The following LRBA variants were observed in gnomAD, a reference collection of about 807,000 sequenced individuals.
LRBA encodes LPS responsive beige-like anchor protein.
A neutral mutation model predicts 330.0 loss-of-function variants in LRBA; 176 were observed. The ratio of observed to expected loss-of-function variants is 0.53; its 90% CI spans 0.47 to 0.60. The LOEUF (loss-of-function observed/expected upper bound fraction) is 0.60. LRBA is among the 20% of genes least tolerant of loss of function. LRBA has a pLI of 0.00. For missense variants in LRBA, 3,259 were observed against 3,444.8 expected (o/e 0.95, Z 1.35); for synonymous variants, 1,230 against 1,193.0 (o/e 1.03, Z -0.64).
chr4:150,293,804 G>GTCTA (rs1283997806), intron 53 of LRBA, among the ~76,000 whole-genome samples: 2 of 152,202 alleles, frequency 1.3e-5, no homozygotes, highest in Non-Finnish European at 1.5e-5. Flanking sequence ...AGCAAGACCA[G>GTCTA]CCCTCTGCTT....
At chr4:150,427,904 A>G (rs1161503023) in intron 46 of LRBA, among the ~76,000 whole-genome samples, 1 of 151,970 alleles carries the variant, frequency 6.6e-6, no homozygotes, top group Non-Finnish European at 1.5e-5. Context: ...ATGTATTAAC[A>G]TGGTAGAAGA....
At chr4:150,637,430 C>A (rs1778034827) in intron 37 of LRBA, among the ~76,000 whole-genome samples, 1 of 152,122 alleles carries the variant, frequency 6.6e-6, no homozygotes, top group African/African-American at 2.4e-5. Context: ...CCAACATAGC[C>A]CGTAAATGCT....
In LRBA at chr4:150,897,762, A is replaced by G. The variant is rs1730257416; in HGVS notation, c.1981T>C (p.Phe661Leu). The part of the protein sequence containing the change: ...MLSLRAFLLM[F>L]IKQLVMKDSG... ...ACCTTCATCACTAATTGCTTAATGA[A>G]CATCAACAAGAATGCTCGTAGAGAA... The change falls in exon 15 of 57, where the codon TTC becomes CTC. Residue 661 changes from phenylalanine to leucine, a missense_variant. Transcript: ENST00000651943. 6.2e-7 allele frequency: 1 copy of G among 1,612,440 alleles called. No individual in the cohort carries two copies. The highest frequency in any genetic ancestry group is 8.5e-7 in the Non-Finnish European group (1 of 1,178,840).
intron 34 of LRBA, among the ~76,000 whole-genome samples, chr4:150,776,866 A>AT (rs1165295855): frequency 6.6e-6 from 1 of 152,202 alleles, no homozygotes; most frequent in Admixed American, 6.5e-5. Flanking sequence ...TAGTAGATGA[A>AT]TAAAAAATAA....
intron 29 of LRBA, 60 bp from the exon 30 acceptor site, chr4:150,828,681 A>G: frequency 1.4e-6 from 2 of 1,424,766 alleles, no homozygotes; most frequent in East Asian, 2.3e-5. Flanking sequence ...TAATTTTTAA[A>G]AGGTATATTC....
At chr4:151,005,459 A>C (rs1386470924) in intron 2 of LRBA, among the ~76,000 whole-genome samples, 1 of 151,196 alleles carries the variant, frequency 6.6e-6, no homozygotes, top group South Asian at 2.1e-4. Context: ...AAAAAAAAAA[A>C]AAAAACCCTG....
At chr4:150,283,578 CCT>C (rs1747816236) in intron 54 of LRBA, among the ~76,000 whole-genome samples, 1 of 152,126 alleles carries the variant, frequency 6.6e-6, no homozygotes, top group African/African-American at 2.4e-5. Flanking sequence ...GAAAGCTTGC[CCT>C]TTTAAAAATA....
intron 18 of LRBA, 58 bp downstream of exon 18, chr4:150,872,605 G>T: frequency 1.7e-6 from 2 of 1,167,932 alleles, no homozygotes; most frequent in Non-Finnish European, 1.3e-6. Flanking sequence ...CTACTGCAAA[G>T]ATTTATAAAA....
At chr4:150,581,745 T>C (rs1054314422) in intron 40 of LRBA, 1 of 153,190 alleles carries the variant, frequency 6.5e-6, no homozygotes, top group African/African-American at 2.4e-5. Flanking sequence ...CTTCTCTCTT[T>C]ACCCTGTTTC....
chr4:150,715,390 T>C (rs1041565348), intron 36 of LRBA, among the ~76,000 whole-genome samples: 5 of 151,982 alleles, frequency 3.3e-5, no homozygotes, highest in Non-Finnish European at 7.4e-5. Context: ...CCATAAATAA[T>C]TAAGAATTAA....
Position 150,870,532 on chromosome 4 carries a change from T to G in LRBA, c.2442A>C (p.Gln814His). Residue 814 changes from glutamine (Q) to histidine (H), a missense_variant, in exon 20 of 57, where the codon CAA becomes CAC. Coordinates refer to ENST00000651943, the MANE Select transcript of LRBA (RefSeq NM_001364905.1). ...HPDPDSSVKI[Q>H]NPQILKVIAT... ...AGTATATAAAATACATACGAGGGTT[T>G]TGTATCTTCACTGAAGAATCAGGAT... 1 of 1,570,116 alleles carries G rather than the reference T, an allele frequency of 6.4e-7. No individual in the cohort carries two copies. The highest frequency in any genetic ancestry group is 1.3e-5 in the African/African-American group (1 of 74,186).
intron 31 of LRBA, among the ~76,000 whole-genome samples, chr4:150,813,457 TG>T (rs758511955): frequency 6.6e-6 from 1 of 152,148 alleles, no homozygotes; most frequent in Non-Finnish European, 1.5e-5. Context: ...ATTTGAAATT[TG>T]AAATTTGTAC....
intron 36 of LRBA, among the ~76,000 whole-genome samples, chr4:150,694,756 A>C (rs1417343514): frequency 6.6e-6 from 1 of 151,670 alleles, no homozygotes; most frequent in Non-Finnish European, 1.5e-5. Flanking sequence ...TATCTCTTCC[A>C]TTTCTTCTTG....
chr4:150,436,696 C>T (rs1432372192), intron 45 of LRBA, 28 bp downstream of exon 45: 7 of 1,583,692 alleles, frequency 4.4e-6, no homozygotes, highest in Admixed American at 3.5e-5. Context: ...TTTATTTAGC[C>T]ATGGTGTATT....
chr4:150,926,845 G>A (rs1733932436), intron 4 of LRBA, among the ~76,000 whole-genome samples: 1 of 152,030 alleles, frequency 6.6e-6, no homozygotes, highest in African/African-American at 2.4e-5. Flanking sequence ...GGCCAAGACG[G>A]GTGGATCACA....
At chr4:150,447,890 TA>T (rs1226735411) in intron 44 of LRBA, among the ~76,000 whole-genome samples, 3 of 152,188 alleles carry the variant, frequency 2.0e-5, no homozygotes, top group Non-Finnish European at 4.4e-5. Flanking sequence ...GCACCTTTTT[TA>T]AAACTTTCAA....
At chr4:150,282,371 T>G (rs542150271) in intron 55 of LRBA, 79 bp downstream of exon 55, 12 of 1,321,324 alleles carry the variant, frequency 9.1e-6, no homozygotes, top group Non-Finnish European at 9.6e-6. Flanking sequence ...AGAGGTTTCT[T>G]TCGCGAACCC....
At chr4:150,394,094 T>G (rs546216310) in intron 47 of LRBA, among the ~76,000 whole-genome samples, 57 of 152,226 alleles carry the variant, frequency 3.7e-4, no homozygotes, top group Non-Finnish European at 6.6e-4. Context: ...AATCTTCTTT[T>G]ACATAACAAT....
chr4:150,994,285 T>C (rs1439349349), intron 2 of LRBA, among the ~76,000 whole-genome samples: 2 of 152,126 alleles, frequency 1.3e-5, no homozygotes, highest in Non-Finnish European at 2.9e-5. Flanking sequence ...AGGTTCAACA[T>C]CTTTTGTGAC....
Sources: gnomAD v4.1 joint callset for allele counts (sites outside exome capture counted in the v4.1 genomes callset) on GRCh38, gnomAD v4.1.1 for gene constraint, MANE v1.5 for transcripts, NCBI Gene and HGNC (gene_info 2026-07-23, HGNC 2026-07-21) for gene names.